The following ALDH1L2 variants were observed in gnomAD, a reference collection of about 807,000 sequenced individuals.
ALDH1L2 encodes aldehyde dehydrogenase 1 family member L2, also known as mitochondrial 10-formyltetrahydrofolate dehydrogenase.
Under a neutral mutation model 111.0 loss-of-function variants are expected in ALDH1L2, and 91 were observed. That is an observed-to-expected ratio of 0.82 (90% CI 0.69 to 0.98). ALDH1L2 has a LOEUF of 0.98. ALDH1L2 is among the 50% of genes least tolerant of loss of function. The pLI, the probability that ALDH1L2 is intolerant of heterozygous loss-of-function variation, is 0.00. For synonymous variants in ALDH1L2, 374 were observed against 392.6 expected, an observed-to-expected ratio of 0.95 and a Z score of 0.56; for missense variants, 995 against 1,126.8, an observed-to-expected ratio of 0.88 and a Z score of 1.67.
rs1395437796 is a variant in ALDH1L2, at chr12:105,052,750, AATGGTGTATTAACTAAAAATCCATGACC to A, written c.1407+34_1407+61del. On this transcript the variant is annotated intron_variant, in intron 11 of 22. Transcript: ENST00000258494. The stretch of plus-strand genomic sequence containing the variant: ...GGCTTCTTAAGACTGCCTCTTTTAC[AATGGTGTATTAACTAAAAATCCATGACC>A]AGTGATCACTACTCACACTAAAGAA... 9.4e-6 allele frequency: 15 copies of A among 1,597,442 alleles called. No individual in the cohort carries two copies. In the Admixed American group the frequency reaches 1.2e-4, roughly 13 times the overall value.
At chr12:105,052,481 C>T (rs1300906832) in intron 11 of ALDH1L2, among the ~76,000 whole-genome samples, 1 of 152,120 alleles carries the variant, frequency 6.6e-6, no homozygotes, top group Non-Finnish European at 1.5e-5. Flanking sequence ...TCTTCCAGTG[C>T]TTTAGGAAAG....
At chr12:105,054,309 G>A (rs950398137) in intron 10 of ALDH1L2, among the ~76,000 whole-genome samples, 4 of 152,130 alleles carry the variant, frequency 2.6e-5, no homozygotes, top group African/African-American at 7.2e-5. Context: ...AGGAAAGTAA[G>A]GACCTCTGAA....
At chr12:105,041,392 G>C (rs1003793147) in intron 15 of ALDH1L2, among the ~76,000 whole-genome samples, 10 of 152,172 alleles carry the variant, frequency 6.6e-5, no homozygotes, top group African/African-American at 2.4e-4. Flanking sequence ...CAATGCCACC[G>C]GAGCGATGCT....
intron 15 of ALDH1L2, among the ~76,000 whole-genome samples, chr12:105,042,239 A>T (rs1202808279): frequency 1.3e-5 from 2 of 152,122 alleles, no homozygotes; most frequent in African/African-American, 4.8e-5. Context: ...CCCTTTTTAC[A>T]TTTGTCATTC....
At chr12:105,060,640 C>T (rs1323641800) in intron 9 of ALDH1L2, 1 of 180,966 alleles carries the variant, frequency 5.5e-6, no homozygotes, top group Admixed American at 5.6e-5. Flanking sequence ...GCCTAACCAA[C>T]ATGGAGAAAC....
At position 105,046,193 on chromosome 12, in the gene ALDH1L2, C is replaced by CTA. The variant is rs1555225141; in HGVS notation, c.1863+515_1863+516dup. On this transcript the variant is annotated intron_variant, in intron 15 of 22. Coordinates refer to ENST00000258494, the MANE Select transcript of ALDH1L2 (RefSeq NM_001034173.4). The stretch of plus-strand genomic sequence containing the variant: ...TCTCTCTCTCTCTCTCTCTCTCTCT[C>CTA]TATATATATATATATATATATATAT... 5.9e-3 allele frequency among the ~76,000 whole-genome samples: 119 copies of CTA among 20,168 alleles called. 1 individual carries two copies. The highest frequency in any genetic ancestry group is 8.0e-3 in the Non-Finnish European group (96 of 11,984). 13.2% of individuals were successfully genotyped at this position (20,168 alleles called of 152,430 possible). A position where few individuals can be genotyped will look rare whatever the true frequency, so the allele number is the denominator to read the frequency against.
chr12:105,036,538 ATATATATATATATATATATATATATAT>A lies in ALDH1L2; in HGVS notation c.2145+1538_2145+1564del, dbSNP rs1347754674. ...TTTATATATATATATATATATATAT[ATATATATATATATATATATATATATAT>A]AAAATGGATGTGGCTGGGTGCAGTG... On this transcript the variant is annotated intron_variant, in intron 18 of 22. Coordinates refer to ENST00000258494, the MANE Select transcript of ALDH1L2 (RefSeq NM_001034173.4). 1.2e-4 allele frequency among the ~76,000 whole-genome samples: 5 copies of A among 40,776 alleles called. No individual in the cohort carries two copies. The Admixed American group carries it at 1.5e-3, about 12-fold the overall frequency. 26.8% of individuals were successfully genotyped at this position (40,776 alleles called of 152,430 possible). A position where few individuals can be genotyped will look rare whatever the true frequency, so the allele number is the denominator to read the frequency against.
rs1188069649 is a variant in ALDH1L2 at position 105,024,325 on chromosome 12, TG to T, written c.*98del. 1 of 1,431,546 alleles carries T rather than the reference TG, an allele frequency of 7.0e-7. No individual in the cohort carries two copies. Among genetic ancestry groups the T allele is most frequent in the Non-Finnish European group, 9.8e-7 (1 of 1,022,402 alleles). 88.7% of individuals were successfully genotyped at this position (1,431,546 alleles called of 1,614,324 possible). On this transcript the variant is annotated 3_prime_UTR_variant, in exon 23 of 23. Transcript: ENST00000258494. Reference sequence around the variant, plus strand: ...TGGTCCATCTGTGTATTTTTTGGTTTGTGGCTGACACCTCCTGCCTCAACAC... The same window carrying T: ...TGGTCCATCTGTGTATTTTTTGGTTTTGGCTGACACCTCCTGCCTCAACAC...
intron 15 of ALDH1L2, among the ~76,000 whole-genome samples, chr12:105,042,673 G>A (rs1035389830): frequency 6.6e-6 from 1 of 152,060 alleles, no homozygotes; most frequent in South Asian, 2.1e-4. Flanking sequence ...AGAGAATGTT[G>A]TTCTCCCACC....
intron 7 of ALDH1L2, 130 bp downstream of exon 7, chr12:105,062,758 C>A (rs1877076441): frequency 7.8e-6 from 9 of 1,156,138 alleles, no homozygotes; most frequent in South Asian, 3.3e-5. Context: ...TGAGACACCT[C>A]ATCTCCATCA....
At chr12:105,063,256 C>G (rs1877114472) in intron 6 of ALDH1L2, among the ~76,000 whole-genome samples, 1 of 152,154 alleles carries the variant, frequency 6.6e-6, no homozygotes, top group Non-Finnish European at 1.5e-5. Flanking sequence ...GCAGGCAGAT[C>G]ACGAGGTCAG....
intron 15 of ALDH1L2, among the ~76,000 whole-genome samples, chr12:105,042,872 A>G (rs1875622944): frequency 7.7e-6 from 1 of 129,782 alleles, no homozygotes; most frequent in South Asian, 3.0e-4. Flanking sequence ...TCTCCAAAGC[A>G]AAATGAAAGC....
rs534709451 is a variant in ALDH1L2 at position 105,024,266 on chromosome 12, G to A, written c.*158C>T. 4.6e-4 allele frequency: 325 copies of A among 709,562 alleles called. 2 individuals are homozygous for A. Among genetic ancestry groups the A allele is most frequent in the Middle Eastern group, 8.0e-4 (2 of 2,508 alleles). 44.0% of individuals were successfully genotyped at this position (709,562 alleles called of 1,614,324 possible). A position where few individuals can be genotyped will look rare whatever the true frequency, so the allele number is the denominator to read the frequency against. Reference sequence around the variant, plus strand: ...TGTATTAGAAAATACTCAGGCACATGTGTAAATGCTTTAACATGGCCTGGC... The same window carrying A: ...TGTATTAGAAAATACTCAGGCACATATGTAAATGCTTTAACATGGCCTGGC... On this transcript the variant is annotated 3_prime_UTR_variant, in exon 23 of 23. Coordinates refer to ENST00000258494, the MANE Select transcript of ALDH1L2 (RefSeq NM_001034173.4).
rs138795159 is a variant in ALDH1L2 at position 105,061,679 on chromosome 12, G to A, written c.995C>T (p.Thr332Met). 17 of 1,613,984 alleles carry A rather than the reference G, an allele frequency of 1.1e-5. No homozygotes were observed. The highest frequency in any genetic ancestry group is 1.3e-5 in the Non-Finnish European group (15 of 1,180,034). Residue 332 changes from threonine (T) to methionine (M), a missense_variant, in exon 8 of 23, where the codon ACG (threonine) becomes ATG (methionine). Physicochemically the swap from Thr to Met is moderately conservative, Grantham distance 81 (BLOSUM62 -1). Transcript: ENST00000258494. ...PASQYFSTGE[T>M]SVVELTAEEV... The stretch of plus-strand genomic sequence containing the variant: ...TTCAGCTGTCAGTTCTACCACTGAC[G>A]TCTCACCCGTTGAAAAGTACTGAGA...
intron 16 of ALDH1L2, among the ~76,000 whole-genome samples, chr12:105,040,157 A>C: frequency 6.9e-6 from 1 of 145,732 alleles, no homozygotes; most frequent in Non-Finnish European, 1.5e-5. Context: ...AAAAAACCTT[A>C]CTCAAATTCT....
chr12:105,027,866 C>T (rs1015095572), intron 21 of ALDH1L2, among the ~76,000 whole-genome samples: 3 of 152,138 alleles, frequency 2.0e-5, no homozygotes, highest in East Asian at 1.9e-4. Context: ...GGTGTTGCAT[C>T]GTCAAATGCG....
At chr12:105,071,421 C>G (rs1443619900) in intron 2 of ALDH1L2, among the ~76,000 whole-genome samples, 3 of 151,796 alleles carry the variant, frequency 2.0e-5, no homozygotes, top group Non-Finnish European at 2.9e-5. Flanking sequence ...AGACCAGGGT[C>G]TCCTTCCTGA....
chr12:105,020,619 A>G lies in ALDH1L2; in HGVS notation c.*3805T>C, dbSNP rs572489185. On this transcript the variant is annotated 3_prime_UTR_variant, in exon 23 of 23. Coordinates refer to ENST00000258494, the MANE Select transcript of ALDH1L2 (RefSeq NM_001034173.4). ...GTGATAAGTGCTATGAAAATAATGC[A>G]CTTATAAAAAGAATAAAGAATGACA... 5.1e-4 allele frequency: 77 copies of G among 152,352 alleles called. No homozygotes were observed. Among genetic ancestry groups the G allele is most frequent in the African/African-American group, 1.7e-3 (72 of 41,576 alleles). 9.4% of individuals were successfully genotyped at this position (152,352 alleles called of 1,614,324 possible).
At chr12:105,036,043 ATG>A (rs1385802201) in intron 18 of ALDH1L2, among the ~76,000 whole-genome samples, 2 of 96,992 alleles carry the variant, frequency 2.1e-5, no homozygotes, top group Non-Finnish European at 1.8e-5. Context: ...ATATTTATAT[ATG>A]TGTATATATA....
Sources: gnomAD v4.1 joint callset for allele counts (sites outside exome capture counted in the v4.1 genomes callset) on GRCh38, gnomAD v4.1.1 for gene constraint, MANE v1.5 for transcripts, NCBI Gene and HGNC (gene_info 2026-07-23, HGNC 2026-07-21) for gene names.